Variants in DNA2 observed in about 807,000 individuals in gnomAD.
DNA2 encodes DNA replication helicase/nuclease 2.
In DNA2, 101 loss-of-function variants were observed where a neutral mutation model predicts 119.1. The observed-to-expected ratio is 0.85, with a 90% confidence interval of 0.72 to 1.00. DNA2 has a LOEUF of 1.00. Ranked by LOEUF, DNA2 falls within the 50% of genes least tolerant of loss-of-function variation. The pLI, the probability that DNA2 is intolerant of heterozygous loss-of-function variation, is 0.00. For synonymous variants in DNA2, 366 were observed against 424.4 expected, an observed-to-expected ratio of 0.86 and a Z score of 1.69; for missense variants, 1,121 against 1,255.5, an observed-to-expected ratio of 0.89 and a Z score of 1.62.
chr10:68,416,729 G>GTTAA lies in DNA2; in HGVS notation c.3093_3094insTTAA (p.His1032LeufsTer11). 6.2e-7 allele frequency: 1 copy of GTTAA among 1,613,612 alleles called. No individual in the cohort carries two copies. Among genetic ancestry groups the GTTAA allele is most frequent in the Non-Finnish European group, 8.5e-7 (1 of 1,179,602 alleles). ...GATATTAATTTTTCTGAGTTTAAAT[G>GTTAA]ATTAAGCAGCTTCTCCAAAGGAGGA... On this transcript the variant is annotated frameshift_variant, in exon 20 of 21. Coordinates refer to ENST00000358410, the MANE Select transcript of DNA2 (RefSeq NM_001080449.3). LOFTEE classifies it high-confidence loss of function.
intron 10 of DNA2, among the ~76,000 whole-genome samples, chr10:68,433,729 C>T (rs1057073235): frequency 6.6e-6 from 1 of 152,074 alleles, no homozygotes; most frequent in Non-Finnish European, 1.5e-5. Flanking sequence ...GGGGGTCTCA[C>T]TATGTGGCCC....
At chr10:68,468,911 G>A (rs1238450565) in intron 2 of DNA2, among the ~76,000 whole-genome samples, 2 of 152,060 alleles carry the variant, frequency 1.3e-5, no homozygotes, top group East Asian at 1.9e-4. Context: ...TTAGCCGGGC[G>A]TGGTGGCGGA....
intron 7 of DNA2, among the ~76,000 whole-genome samples, chr10:68,445,350 C>G (rs911936051): frequency 2.0e-5 from 3 of 152,018 alleles, no homozygotes; most frequent in Non-Finnish European, 4.4e-5. Context: ...TGTATTACAG[C>G]TAATCAGGAG....
chr10:68,450,997 G>A (rs918990978), intron 5 of DNA2, among the ~76,000 whole-genome samples: 20 of 151,620 alleles, frequency 1.3e-4, no homozygotes, highest in African/African-American at 4.6e-4. Flanking sequence ...GCTACCCAAA[G>A]GCTAAGGCAG....
chr10:68,445,921 G>A (rs758920681), intron 7 of DNA2, among the ~76,000 whole-genome samples: 1 of 152,142 alleles, frequency 6.6e-6, no homozygotes, highest in Non-Finnish European at 1.5e-5. Context: ...GAGGCCAAGA[G>A]TTCAAGACCA....
At chr10:68,452,507 TAA>T (rs953607884) in intron 5 of DNA2, among the ~76,000 whole-genome samples, 6 of 152,130 alleles carry the variant, frequency 3.9e-5, no homozygotes, top group African/African-American at 1.4e-4. Flanking sequence ...GAATACAGGT[TAA>T]AAAAACTTTT....
In DNA2 at chr10:68,425,219, C is replaced by A. The variant is rs188030168; in HGVS notation, c.2209-2329G>T. The stretch of plus-strand genomic sequence containing the variant: ...AAGCGATTCTCCTGCCTAAGCCTCC[C>A]GAGTAGCTGGGATTACAGGTGCCTG... On this transcript the variant is annotated intron_variant, in intron 14 of 20. Coordinates refer to ENST00000358410, the MANE Select transcript of DNA2 (RefSeq NM_001080449.3). Among the ~76,000 whole-genome samples, 480 of 151,002 alleles carry A rather than the reference C, an allele frequency of 3.2e-3. 10 individuals carry two copies. Among genetic ancestry groups the A allele is most frequent in the Admixed American group, 0.029 (432 of 15,090 alleles).
chr10:68,417,391 C>CAAAAAAAAAAAAAAAAA (rs35777569), intron 19 of DNA2, among the ~76,000 whole-genome samples: 4 of 77,502 alleles, frequency 5.2e-5, no homozygotes, highest in Non-Finnish European at 7.0e-5. Flanking sequence ...ATAAGAAAAC[C>CAAAAAAAAAAAAAAAAA]AAAAAAAAAA....
intron 5 of DNA2, among the ~76,000 whole-genome samples, chr10:68,458,843 C>T (rs549140702): frequency 6.6e-6 from 1 of 151,738 alleles, no homozygotes; most frequent in Non-Finnish European, 1.5e-5. Context: ...GAGCAAAACT[C>T]CATCTCAAAA....
intron 5 of DNA2, among the ~76,000 whole-genome samples, chr10:68,456,721 G>A (rs907230229): frequency 4.6e-5 from 7 of 151,088 alleles, no homozygotes; most frequent in African/African-American, 7.3e-5. Context: ...CCCCCTTAAA[G>A]CAAATTTTTT....
In DNA2 at chr10:68,414,916, CG is replaced by C; in HGVS notation, c.*122del. On this transcript the variant is annotated 3_prime_UTR_variant, in exon 21 of 21. Coordinates refer to ENST00000358410, the MANE Select transcript of DNA2 (RefSeq NM_001080449.3). The stretch of plus-strand genomic sequence containing the variant: ...ATAAATTCAGACTTTTCACAGTTTT[CG>C]GTACACCTGTGCTTTAAAACATAAA... 1.8e-6 allele frequency: 1 copy of C among 561,664 alleles called. No homozygotes were observed. The highest frequency in any genetic ancestry group is 3.0e-6 in the Non-Finnish European group (1 of 330,474). 34.8% of individuals were successfully genotyped at this position (561,664 alleles called of 1,614,324 possible). A position where few individuals can be genotyped will look rare whatever the true frequency, so the allele number is the denominator to read the frequency against.
chr10:68,470,220 AAT>A, intron 1 of DNA2, 57 bp from the exon 2 acceptor site: 3 of 1,425,814 alleles, frequency 2.1e-6, no homozygotes, highest in Non-Finnish European at 2.8e-6. Flanking sequence ...GAAGCCATCC[AAT>A]ATGTTTTATC....
Position 68,415,070 on chromosome 10 carries a change from C to T in DNA2, c.3152G>A (p.Cys1051Tyr). The T allele has an allele frequency of 6.3e-7, 1 of 1,580,298 alleles. No individual in the cohort carries two copies. Among genetic ancestry groups the T allele is most frequent in the Non-Finnish European group, 8.6e-7 (1 of 1,161,048 alleles). ...DLPSREHESL[C>Y]HILGDFQRE ...TCTTTGAAAGTCACCCAATATGTGG[C>T]AAAGACTTTCATGTTCTCTTGATGG... The change falls in exon 21 of 21, where the codon TGC becomes TAC. Residue 1051 changes from cysteine (C) to tyrosine (Y), a missense_variant. Transcript: ENST00000358410.
intron 17 of DNA2, 24 bp from the exon 18 acceptor site, chr10:68,419,916 G>A: frequency 1.3e-6 from 2 of 1,590,248 alleles, no homozygotes; most frequent in Non-Finnish European, 1.7e-6. Context: ...TATACAGCCT[G>A]CTGATAATAC....
At position 68,430,641 on chromosome 10, in the gene DNA2, C is replaced by T; in HGVS notation, c.2003G>A (p.Cys668Tyr). 1 of 1,596,778 alleles carries T rather than the reference C, an allele frequency of 6.3e-7. No individual in the cohort carries two copies. The highest frequency in any genetic ancestry group is 1.8e-5 in the Admixed American group (1 of 56,748). The change falls in exon 14 of 21, where the codon TGT (cysteine) becomes TAT (tyrosine). Residue 668 changes from cysteine to tyrosine, a missense_variant. Coordinates refer to ENST00000358410, the MANE Select transcript of DNA2 (RefSeq NM_001080449.3). Reference protein sequence around the residue: ...ICTLVRILYACGFSVLLTSYT... With the variant: ...ICTLVRILYAYGFSVLLTSYT... ...GCTGGTCAACAAAACGCTAAAACCA[C>T]AGGCGTAGAGAATTCTTACCTAATA...
At chr10:68,437,753 A>G (rs2051910384) in intron 9 of DNA2, among the ~76,000 whole-genome samples, 1 of 152,188 alleles carries the variant, frequency 6.6e-6, no homozygotes, top group Non-Finnish European at 1.5e-5. Flanking sequence ...AATGTTAAGT[A>G]AACATTCTCT....
chr10:68,451,431 A>G (rs16925392), intron 5 of DNA2, among the ~76,000 whole-genome samples: 21,958 of 152,096 alleles, frequency 0.14, 2,362 homozygotes, highest in African/African-American at 0.29. Flanking sequence ...AATAACTTAC[A>G]AACCTCCTCT....
At chr10:68,449,991 A>G (rs1435440946) in intron 6 of DNA2, 37 bp downstream of exon 6, 2 of 1,343,948 alleles carry the variant, frequency 1.5e-6, no homozygotes, top group African/African-American at 1.5e-5. Context: ...AAAAAAAAAA[A>G]GTATAAAACA....
At chr10:68,446,254 G>C in intron 7 of DNA2, 42 bp downstream of exon 7, 2 of 1,046,040 alleles carry the variant, frequency 1.9e-6, no homozygotes, top group Non-Finnish European at 1.4e-6. Flanking sequence ...CTGAAGTGGG[G>C]GGGTGGGCAA....
Sources: allele counts gnomAD v4.1 joint callset (sites outside exome capture counted in the v4.1 genomes callset), GRCh38; gene constraint gnomAD v4.1.1; transcripts MANE v1.5; gene names NCBI Gene and HGNC (gene_info 2026-07-23, HGNC 2026-07-21).